Variants in SNX30 observed in about 807,000 individuals in gnomAD.
SNX30 encodes the protein sorting nexin family member 30.
In SNX30, 24 loss-of-function variants were observed where a neutral mutation model predicts 46.4. The observed-to-expected ratio is 0.52, with a 90% CI of 0.37 to 0.73. The LOEUF is 0.73. Ranked by LOEUF, SNX30 falls within the 30% of genes least tolerant of loss-of-function variation. SNX30 has a pLI of 0.00. For synonymous variants in SNX30, 189 were observed against 211.5 expected, an observed-to-expected ratio of 0.89 and a Z score of 0.92; for missense variants, 533 against 555.7, an observed-to-expected ratio of 0.96 and a Z score of 0.41.
At chr9:112,779,988 G>C (rs147950849) in intron 1 of SNX30, among the ~76,000 whole-genome samples, 1 of 152,318 alleles carries the variant, frequency 6.6e-6, no homozygotes, top group East Asian at 1.9e-4. Flanking sequence ...ATGTGTGCAA[G>C]GGTGAGGATC....
rs1398800586 is a variant in SNX30, at chr9:112,838,496, A to G, written c.815-2A>G. On this transcript the variant is annotated splice_acceptor_variant, in intron 5 of 8. Coordinates refer to ENST00000374232, the MANE Select transcript of SNX30 (RefSeq NM_001012994.2). LOFTEE classifies it high-confidence loss of function. ...TTTAATTAGTTTCTGTTCCCTGTTC[A>G]GAGTACCTTGTGGAGCTGAGAGAAT... 2 of 1,607,584 alleles carry G rather than the reference A, an allele frequency of 1.2e-6. No homozygotes were observed. Among genetic ancestry groups the G allele is most frequent in the Admixed American group, 1.7e-5 (1 of 58,978 alleles).
At chr9:112,791,399 CTTTTTTT>C (rs386415930) in intron 1 of SNX30, among the ~76,000 whole-genome samples, 9 of 67,476 alleles carry the variant, frequency 1.3e-4, no homozygotes, top group South Asian at 7.2e-4. Flanking sequence ...TATTTAGGAA[CTTTTTTT>C]TTTTTTTTTT....
Position 112,758,629 on chromosome 9 carries a change from C to T in SNX30, c.156+7472C>T, listed in dbSNP as rs1240449389. Among the ~76,000 whole-genome samples the T allele has an allele frequency of 2.0e-5, 3 of 152,208 alleles. No homozygotes were observed. The East Asian group carries it at 5.8e-4, about 29-fold the overall frequency. ...CAGGTTGGTCTCGAACTCCTGAGCT[C>T]AAGCGATCTGCCCGCATCAGCCTTT... is the stretch of plus-strand genomic sequence containing the variant. On this transcript the variant is annotated intron_variant, in intron 1 of 8. Transcript: ENST00000374232.
At chr9:112,787,161 TCTCAGGC>T (rs1839942618) in intron 1 of SNX30, among the ~76,000 whole-genome samples, 1 of 152,170 alleles carries the variant, frequency 6.6e-6, no homozygotes, top group African/African-American at 2.4e-5. Context: ...GGAAACTGTG[TCTCAGGC>T]CTCGAAAAGT....
chr9:112,849,585 T>C (rs759192338), intron 6 of SNX30, among the ~76,000 whole-genome samples: 5 of 152,204 alleles, frequency 3.3e-5, no homozygotes, highest in Non-Finnish European at 5.9e-5. Flanking sequence ...GAAAAATTAT[T>C]GCAATTTTAA....
intron 1 of SNX30, among the ~76,000 whole-genome samples, chr9:112,794,549 C>T (rs1367373217): frequency 1.3e-5 from 2 of 152,132 alleles, no homozygotes; most frequent in Non-Finnish European, 2.9e-5. Context: ...TCATTTTACC[C>T]TTAACGTAAA....
chr9:112,769,447 G>A (rs1440038951), intron 1 of SNX30, among the ~76,000 whole-genome samples: 2 of 152,192 alleles, frequency 1.3e-5, no homozygotes, highest in African/African-American at 4.8e-5. Flanking sequence ...ACTACTGTGG[G>A]TGCAGCCATG....
intron 7 of SNX30, among the ~76,000 whole-genome samples, chr9:112,860,507 G>A (rs897603177): frequency 2.6e-5 from 4 of 152,130 alleles, no homozygotes; most frequent in African/African-American, 9.6e-5. Flanking sequence ...GGCTTCTCTC[G>A]GACTCCCTGT....
chr9:112,766,514 A>G (rs1001786319), intron 1 of SNX30, among the ~76,000 whole-genome samples: 4 of 152,202 alleles, frequency 2.6e-5, no homozygotes, highest in African/African-American at 9.6e-5. Flanking sequence ...TTAAGTATAC[A>G]GTTGAGTAGT....
intron 1 of SNX30, among the ~76,000 whole-genome samples, chr9:112,790,294 A>C (rs1466868025): frequency 6.6e-6 from 1 of 152,238 alleles, no homozygotes. Context: ...TTATACAGAC[A>C]TTTTAATGAT....
intron 3 of SNX30, among the ~76,000 whole-genome samples, chr9:112,829,117 G>A (rs1182206862): frequency 1.3e-5 from 2 of 152,164 alleles, no homozygotes; most frequent in African/African-American, 4.8e-5. Flanking sequence ...TTAGTCCATT[G>A]CATGGATATG....
intron 8 of SNX30, chr9:112,866,578 G>A (rs1338825976): frequency 1.7e-5 from 8 of 468,822 alleles, no homozygotes; most frequent in Non-Finnish European, 3.1e-5. Flanking sequence ...GTGGGCTTCA[G>A]AGTTTAGCTT....
intron 7 of SNX30, among the ~76,000 whole-genome samples, chr9:112,859,239 G>A (rs1036393157): frequency 6.6e-6 from 1 of 152,080 alleles, no homozygotes; most frequent in East Asian, 1.9e-4. Context: ...TATCCATGTT[G>A]TAATGTGTTA....
At chr9:112,829,108 TA>T (rs1243751740) in intron 3 of SNX30, among the ~76,000 whole-genome samples, 2 of 152,240 alleles carry the variant, frequency 1.3e-5, no homozygotes, top group Non-Finnish European at 2.9e-5. Flanking sequence ...GACAAACTAT[TA>T]GTCCATTGCA....
At chr9:112,854,458 G>A (rs973740093) in intron 7 of SNX30, among the ~76,000 whole-genome samples, 1 of 152,212 alleles carries the variant, frequency 6.6e-6, no homozygotes, top group African/African-American at 2.4e-5. Flanking sequence ...GCCCCAGTCC[G>A]TGAAAATGAC....
At chr9:112,750,626 TCCTC>T (rs1296594968), upstream of SNX30, among the ~76,000 whole-genome samples, 3 of 151,116 alleles carry the variant, frequency 2.0e-5, no homozygotes, top group Non-Finnish European at 4.4e-5. Context: ...GGGCCGCGCC[TCCTC>T]CCTCCCTCCC....
chr9:112,879,556 A>G (rs1219283707), downstream of SNX30: 7 of 538,464 alleles, frequency 1.3e-5, no homozygotes, highest in Admixed American at 6.0e-5. Flanking sequence ...CTTAAAGCTG[A>G]GAACGTTTTT....
At chr9:112,751,386 G>A (rs1170886397) in intron 1 of SNX30, among the ~76,000 whole-genome samples, 4 of 152,210 alleles carry the variant, frequency 2.6e-5, no homozygotes, top group African/African-American at 7.2e-5. Context: ...CGCAAGCACC[G>A]GTGACAGCTG....
At chr9:112,875,165 A>G (rs1040188658), downstream of SNX30, 4 of 152,162 alleles carry the variant, frequency 2.6e-5, no homozygotes, top group African/African-American at 7.2e-5. Context: ...TCACTTCTTT[A>G]TAGGCCCAGT....
Sources: allele counts gnomAD v4.1 joint callset (sites outside exome capture counted in the v4.1 genomes callset), GRCh38; gene constraint gnomAD v4.1.1; transcripts MANE v1.5; gene names NCBI Gene and HGNC (gene_info 2026-07-23, HGNC 2026-07-21).